Variants in ARHGAP25 observed in about 807,000 individuals in gnomAD.
ARHGAP25 encodes rho GTPase-activating protein 25.
Under a neutral mutation model 71.0 loss-of-function variants are expected in ARHGAP25, and 34 were observed. The ratio of observed to expected loss-of-function variants is 0.48; its 90% CI spans 0.36 to 0.64. The LOEUF (loss-of-function observed/expected upper bound fraction) is 0.64. Among genes scored for constraint, ARHGAP25 ranks in the 30% least tolerant of loss-of-function variants. The pLI is 0.00. For missense variants in ARHGAP25, 706 were observed against 805.1 expected (o/e 0.88, Z 1.49); for synonymous variants, 282 against 296.5 (o/e 0.95, Z 0.50).
intron 2 of ARHGAP25, among the ~76,000 whole-genome samples, chr2:68,775,984 A>ATT (rs1558629304): frequency 2.0e-5 from 3 of 152,220 alleles, no homozygotes; most frequent in Non-Finnish European, 4.4e-5. Flanking sequence ...AGATGTCACG[A>ATT]GTTAAGGGAA....
chr2:68,798,157 T>C (rs1191637605), intron 4 of ARHGAP25, among the ~76,000 whole-genome samples: 1 of 152,258 alleles, frequency 6.6e-6, no homozygotes, highest in Admixed American at 6.5e-5. Context: ...GGAAGCATAC[T>C]GTATGTAAAT....
At chr2:68,727,837 G>A (rs573093360) in intron 2 of ARHGAP25, among the ~76,000 whole-genome samples, 8 of 152,348 alleles carry the variant, frequency 5.3e-5, no homozygotes, top group South Asian at 2.1e-4. Context: ...TGGAGAGCTC[G>A]ATGGAGAAGG....
rs61758703 is a variant in ARHGAP25, at chr2:68,813,372, G to C, written c.760G>C (p.Glu254Gln). The change falls in exon 6 of 11, where the codon GAA becomes CAA. Residue 254 changes from glutamate (E) to glutamine (Q), a missense_variant. Glu to Gln is a conservative substitution (Grantham distance 29). Coordinates refer to ENST00000409202, the MANE Select transcript of ARHGAP25 (RefSeq NM_001007231.3). ...PEPVVPWSQY[E>Q]GFLLCGQLTN... Reference sequence around the variant, plus strand: ...GCCCGTGGTTCCCTGGAGCCAGTACGAAGGGTTCCTGCTCTGTGGGCAGCT... The same window carrying C: ...GCCCGTGGTTCCCTGGAGCCAGTACCAAGGGTTCCTGCTCTGTGGGCAGCT... 2 of 1,613,682 alleles carry C rather than the reference G, an allele frequency of 1.2e-6. No homozygotes were observed. Among genetic ancestry groups the C allele is most frequent in the Non-Finnish European group, 1.7e-6 (2 of 1,179,926 alleles).
At chr2:68,726,281 T>C (rs1267876313) in intron 2 of ARHGAP25, among the ~76,000 whole-genome samples, 1 of 152,214 alleles carries the variant, frequency 6.6e-6, no homozygotes, top group East Asian at 1.9e-4. Context: ...GGGTCTATTA[T>C]GTGGAAATAT....
upstream of ARHGAP25, among the ~76,000 whole-genome samples, chr2:68,730,461 T>C (rs1674988736): frequency 6.6e-6 from 1 of 151,954 alleles, no homozygotes; most frequent in African/African-American, 2.4e-5. Context: ...CTGGGCAACA[T>C]AGTGAGACCC....
At position 68,720,435 on chromosome 2, in the gene ARHGAP25, A is replaced by G. The variant is rs539952282; in HGVS notation, c.-18+9737A>G. Among the ~76,000 whole-genome samples, 14 of 152,144 alleles carry G rather than the reference A, an allele frequency of 9.2e-5. No individual in the cohort carries two copies. In the South Asian group the frequency reaches 1.7e-3, roughly 18 times the overall value. ...ACTTCTTCTTAATTATGTAGCCATT[A>G]TGTAGCCATAATCACTTTGTTGTTG... On this transcript the variant is annotated intron_variant and NMD_transcript_variant, in intron 2 of 7. Coordinates refer to the ARHGAP25 transcript ENST00000463483.
intron 4 of ARHGAP25, among the ~76,000 whole-genome samples, chr2:68,804,149 C>T (rs1261122433): frequency 6.6e-6 from 1 of 152,174 alleles, no homozygotes; most frequent in Admixed American, 6.5e-5. Context: ...AGCTAGAGAA[C>T]TAGACATATA....
intron 1 of ARHGAP25, among the ~76,000 whole-genome samples, chr2:68,755,187 T>A (rs1393315844): frequency 6.6e-6 from 1 of 152,142 alleles, no homozygotes; most frequent in Non-Finnish European, 1.5e-5. Flanking sequence ...CTTGCAATGG[T>A]TTGCAAACAT....
chr2:68,799,090 G>A (rs529802098), intron 4 of ARHGAP25, among the ~76,000 whole-genome samples: 26 of 152,314 alleles, frequency 1.7e-4, no homozygotes, highest in Non-Finnish European at 1.9e-4. Context: ...GGTTGGACAC[G>A]GGTGGTGGCA....
chr2:68,824,290 T>G (rs114701942), intron 10 of ARHGAP25, among the ~76,000 whole-genome samples: 6 of 152,026 alleles, frequency 3.9e-5, no homozygotes, highest in African/African-American at 1.2e-4. Flanking sequence ...AATCCATCAG[T>G]TGGGGAAGCC....
chr2:68,713,708 G>C (rs895840258), intron 2 of ARHGAP25, among the ~76,000 whole-genome samples: 1 of 152,092 alleles, frequency 6.6e-6, no homozygotes, highest in African/African-American at 2.4e-5. Flanking sequence ...TAGCATGAAG[G>C]GCTGTTGAAT....
At chr2:68,804,302 C>G (rs1440856865) in intron 4 of ARHGAP25, among the ~76,000 whole-genome samples, 2 of 152,180 alleles carry the variant, frequency 1.3e-5, no homozygotes, top group Non-Finnish European at 2.9e-5. Flanking sequence ...CTTTCCCCAT[C>G]AAGTCCAGTG....
intron 4 of ARHGAP25, among the ~76,000 whole-genome samples, chr2:68,790,764 G>A (rs1216838142): frequency 5.3e-5 from 8 of 152,210 alleles, no homozygotes; most frequent in Middle Eastern, 3.4e-3. Flanking sequence ...GTCTGTTTTC[G>A]ACAGAGCGGC....
chr2:68,790,027 C>A (rs1679052817), intron 4 of ARHGAP25, among the ~76,000 whole-genome samples: 1 of 152,174 alleles, frequency 6.6e-6, no homozygotes, highest in African/African-American at 2.4e-5. Flanking sequence ...CTCACTCTGT[C>A]TCCCAGACTG....
At chr2:68,783,039 C>A (rs1400532641) in intron 3 of ARHGAP25, among the ~76,000 whole-genome samples, 1 of 152,236 alleles carries the variant, frequency 6.6e-6, no homozygotes, top group Non-Finnish European at 1.5e-5. Flanking sequence ...GGCCACATGG[C>A]CCCTGAGTGC....
chr2:68,722,314 A>G (rs1674780409), intron 2 of ARHGAP25, among the ~76,000 whole-genome samples: 1 of 152,198 alleles, frequency 6.6e-6, no homozygotes, highest in African/African-American at 2.4e-5. Context: ...GTGGTGGCTC[A>G]CATCTGTAAT....
At chr2:68,730,800 G>A (rs1392061036), upstream of ARHGAP25, among the ~76,000 whole-genome samples, 1 of 152,120 alleles carries the variant, frequency 6.6e-6, no homozygotes. Flanking sequence ...TTCCCTAAAT[G>A]GGGGCCGTAT....
intron 4 of ARHGAP25, among the ~76,000 whole-genome samples, chr2:68,790,242 G>A (rs186171529): frequency 1.1e-4 from 16 of 152,124 alleles, no homozygotes; most frequent in African/African-American, 3.1e-4. Flanking sequence ...CCACCACCTC[G>A]GCTTCCCAAA....
intron 1 of ARHGAP25, among the ~76,000 whole-genome samples, chr2:68,774,112 G>T (rs1677668244): frequency 6.6e-6 from 1 of 152,138 alleles, no homozygotes; most frequent in African/African-American, 2.4e-5. Context: ...GAAAAAGGGG[G>T]TTGGAAGATG....
Sources: allele counts gnomAD v4.1 joint callset (sites outside exome capture counted in the v4.1 genomes callset), GRCh38; gene constraint gnomAD v4.1.1; transcripts MANE v1.5; gene names NCBI Gene and HGNC (gene_info 2026-07-23, HGNC 2026-07-21).